The following PTPRM variants were observed in gnomAD, a reference collection of about 807,000 sequenced individuals.
PTPRM encodes protein tyrosine phosphatase receptor type M, also known as receptor-type tyrosine-protein phosphatase mu.
In PTPRM, 47 loss-of-function variants were observed where a neutral mutation model predicts 186.7. The ratio of observed to expected loss-of-function variants is 0.25; its 90% CI spans 0.20 to 0.32. The LOEUF (loss-of-function observed/expected upper bound fraction) is 0.32. Among genes scored for constraint, PTPRM ranks in the 10% least tolerant of loss-of-function variants. The pLI is 1.00. For synonymous variants in PTPRM, 668 were observed against 674.9 expected (o/e 0.99, Z 0.16); for missense variants, 1,494 against 1,865.0 (o/e 0.80, Z 3.66).
At chr18:8,180,508 C>T (rs1328668413) in intron 14 of PTPRM, among the ~76,000 whole-genome samples, 6 of 152,098 alleles carry the variant, frequency 3.9e-5, no homozygotes, top group African/African-American at 9.7e-5. Flanking sequence ...CATGTTTTGA[C>T]CTTTGACTTG....
intron 1 of PTPRM, among the ~76,000 whole-genome samples, chr18:7,717,935 C>T (rs2040372454): frequency 6.6e-6 from 1 of 152,126 alleles, no homozygotes. Flanking sequence ...TGCTTGTGCT[C>T]CCTCCCTTGA....
At chr18:8,325,771 G>A (rs113198093) in intron 22 of PTPRM, among the ~76,000 whole-genome samples, 6 of 151,630 alleles carry the variant, frequency 4.0e-5, no homozygotes, top group African/African-American at 1.4e-4. Flanking sequence ...TTTCCACAAT[G>A]GCTGAACTAA....
At chr18:8,037,485 A>C (rs1026324762) in intron 7 of PTPRM, among the ~76,000 whole-genome samples, 1 of 152,186 alleles carries the variant, frequency 6.6e-6, no homozygotes, top group South Asian at 2.1e-4. Context: ...AAGTGTGAGA[A>C]GCCTATATTG....
At position 8,378,562 on chromosome 18, in the gene PTPRM, T is replaced by C. The variant is rs946106133; in HGVS notation, c.3612+148T>C. 4 of 946,716 alleles carry C rather than the reference T, an allele frequency of 4.2e-6. No individual in the cohort carries two copies. The African/African-American group carries it at 4.9e-5, about 12-fold the overall frequency. The allele number at this position is 946,716 out of a possible 1,614,324, so 58.6% of individuals were successfully genotyped here. A position where few individuals can be genotyped will look rare whatever the true frequency, so the allele number is the denominator to read the frequency against. On this transcript the variant is annotated intron_variant, in intron 27 of 32. Coordinates refer to ENST00000580170, the MANE Select transcript of PTPRM (RefSeq NM_001105244.2). ...TTCAGGGCTGGGTAACCCAGAGCTC[T>C]ACCCAGGAGACGTCTATGGTATCAC...
chr18:8,189,718 C>T (rs529905683), intron 14 of PTPRM, among the ~76,000 whole-genome samples: 3 of 152,300 alleles, frequency 2.0e-5, no homozygotes, highest in African/African-American at 7.2e-5. Flanking sequence ...GCTGGCCTGG[C>T]ATATCCAGGG....
chr18:8,006,707 T>G (rs914733321), intron 7 of PTPRM, among the ~76,000 whole-genome samples: 11 of 152,200 alleles, frequency 7.2e-5, no homozygotes, highest in African/African-American at 2.4e-4. Context: ...TCCCTGACAC[T>G]GAAGCACCAG....
intron 14 of PTPRM, among the ~76,000 whole-genome samples, chr18:8,229,190 CCACATGCCAGG>C (rs2094253696): frequency 6.6e-6 from 1 of 152,032 alleles, no homozygotes; most frequent in Non-Finnish European, 1.5e-5. Flanking sequence ...TGAGCGCCTA[CCACATGCCAGG>C]CACTTTCTAA....
At chr18:8,318,630 G>T (rs1240512350) in intron 21 of PTPRM, among the ~76,000 whole-genome samples, 1 of 151,954 alleles carries the variant, frequency 6.6e-6, no homozygotes, top group Non-Finnish European at 1.5e-5. Flanking sequence ...TATCTGTCTT[G>T]TTTCTTATAG....
chr18:8,020,212 C>A (rs2085124415), intron 7 of PTPRM, among the ~76,000 whole-genome samples: 1 of 152,198 alleles, frequency 6.6e-6, no homozygotes, highest in Non-Finnish European at 1.5e-5. Flanking sequence ...TCACTCCAAT[C>A]TTTTTTTCGT....
intron 24 of PTPRM, 27 bp downstream of exon 24, chr18:8,371,033 C>G (rs1400530621): frequency 7.1e-7 from 1 of 1,405,764 alleles, no homozygotes; most frequent in Non-Finnish European, 1.0e-6. Context: ...CTTTTAAAAG[C>G]TATGGTCAGA....
At chr18:8,228,846 C>A (rs182253488) in intron 14 of PTPRM, among the ~76,000 whole-genome samples, 1 of 151,890 alleles carries the variant, frequency 6.6e-6, no homozygotes, top group South Asian at 2.1e-4. Flanking sequence ...AGCAAGACTC[C>A]GTCTCAAAAG....
At chr18:7,786,390 G>T (rs529282187) in intron 2 of PTPRM, among the ~76,000 whole-genome samples, 93 of 152,150 alleles carry the variant, frequency 6.1e-4, no homozygotes, top group African/African-American at 2.2e-3. Flanking sequence ...GTCCTTATTT[G>T]TATGCTTTGA....
chr18:7,772,773 A>T (rs529540671), intron 1 of PTPRM, among the ~76,000 whole-genome samples: 8 of 152,154 alleles, frequency 5.3e-5, no homozygotes, highest in Non-Finnish European at 1.2e-4. Flanking sequence ...TCTTCTTGCC[A>T]ACAGGACACA....
intron 14 of PTPRM, among the ~76,000 whole-genome samples, chr18:8,182,480 G>A (rs1459153767): frequency 1.3e-5 from 2 of 152,204 alleles, no homozygotes; most frequent in African/African-American, 4.8e-5. Flanking sequence ...TGTCATGAAT[G>A]TCACACTAGT....
intron 14 of PTPRM, among the ~76,000 whole-genome samples, chr18:8,216,544 A>G (rs1020717678): frequency 2.6e-5 from 4 of 152,230 alleles, no homozygotes; most frequent in African/African-American, 9.6e-5. Context: ...CATTGTGATC[A>G]GGGTGGTAAT....
At chr18:7,752,776 G>A (rs182809213) in intron 1 of PTPRM, among the ~76,000 whole-genome samples, 3 of 151,974 alleles carry the variant, frequency 2.0e-5, no homozygotes, top group Non-Finnish European at 4.4e-5. Flanking sequence ...ACATAGACTC[G>A]TGTGTCATAG....
At chr18:7,974,931 G>T (rs1217568372) in intron 7 of PTPRM, among the ~76,000 whole-genome samples, 1 of 152,206 alleles carries the variant, frequency 6.6e-6, no homozygotes. Flanking sequence ...CTTGTGAAAA[G>T]ATCCTGACTG....
At chr18:7,791,237 C>T (rs1283743105) in intron 2 of PTPRM, among the ~76,000 whole-genome samples, 1 of 152,000 alleles carries the variant, frequency 6.6e-6, no homozygotes, top group Non-Finnish European at 1.5e-5. Flanking sequence ...TGGTCTAGAT[C>T]CCTTTTTTTT....
chr18:7,848,081 C>A (rs977526817), intron 2 of PTPRM, among the ~76,000 whole-genome samples: 22 of 152,178 alleles, frequency 1.4e-4, no homozygotes, highest in Non-Finnish European at 5.9e-5. Flanking sequence ...TGGACATAGA[C>A]CTGCCCATAG....
Sources: allele counts gnomAD v4.1 joint callset (sites outside exome capture counted in the v4.1 genomes callset), GRCh38; gene constraint gnomAD v4.1.1; transcripts MANE v1.5; gene names NCBI Gene and HGNC (gene_info 2026-07-23, HGNC 2026-07-21).